The following SLC1A3 variants were observed in gnomAD, a reference collection of about 807,000 sequenced individuals.
SLC1A3 encodes solute carrier family 1 member 3.
In SLC1A3, 21 loss-of-function variants were observed where a neutral mutation model predicts 48.1. That is an observed-to-expected ratio of 0.44 (90% CI 0.31 to 0.63). SLC1A3 has a LOEUF of 0.63. SLC1A3 is among the 20% of genes least tolerant of loss of function. The pLI is 0.08. For missense variants in SLC1A3, 546 were observed against 689.0 expected, an observed-to-expected ratio of 0.79 and a Z score of 2.32; for synonymous variants, 239 against 251.4, an observed-to-expected ratio of 0.95 and a Z score of 0.47.
chr5:36,679,495 G>A lies in SLC1A3; in HGVS notation c.861-132G>A, dbSNP rs374163185. The A allele has an allele frequency of 2.5e-4, 189 of 745,370 alleles. 1 individual carries two copies. The African/African-American group carries it at 2.9e-3, about 11-fold the overall frequency. The allele number at this position is 745,370 out of a possible 1,614,324, so 46.2% of individuals were successfully genotyped here. On this transcript the variant is annotated intron_variant, in intron 6 of 9. Transcript: ENST00000265113. ...GAAAAGAAGTCCACAGTTTCTGTAA[G>A]TCCTAATGGTATCCTGGGCAGGAAA...
intron 3 of SLC1A3, among the ~76,000 whole-genome samples, chr5:36,652,678 A>G (rs1012792285): frequency 2.0e-5 from 3 of 152,164 alleles, no homozygotes; most frequent in South Asian, 4.1e-4. Context: ...AACCCAATAT[A>G]TCTATGTATT....
rs1742696582 is a variant in SLC1A3, at chr5:36,687,406, AGAG to A, written c.*1139_*1141del. 1 of 152,216 alleles carries A rather than the reference AGAG, an allele frequency of 6.6e-6. No homozygotes were observed. Among genetic ancestry groups the A allele is most frequent in the African/African-American group, 2.4e-5 (1 of 41,456 alleles). 9.4% of individuals were successfully genotyped at this position (152,216 alleles called of 1,614,324 possible). A position where few individuals can be genotyped will look rare whatever the true frequency, so the allele number is the denominator to read the frequency against. On this transcript the variant is annotated 3_prime_UTR_variant, in exon 10 of 10. Transcript: ENST00000265113. ...CTTCTTTAAGGAAGAATAAAAAAGA[AGAG>A]GTTCATTTTTCTGGCTTTTTTTTTC... is the stretch of plus-strand genomic sequence containing the variant.
chr5:36,651,220 T>C (rs1212098983), intron 3 of SLC1A3, among the ~76,000 whole-genome samples: 1 of 149,760 alleles, frequency 6.7e-6, no homozygotes, highest in Admixed American at 6.7e-5. Context: ...CTTGGGTTCC[T>C]TCCCCACACC....
Position 36,629,761 on chromosome 5 carries a change from A to G in SLC1A3, c.319+174A>G, listed in dbSNP as rs371134161. 4.1e-4 allele frequency among the ~76,000 whole-genome samples: 62 copies of G among 152,174 alleles called. 1 individual carries two copies. The highest frequency in any genetic ancestry group is 1.4e-3 in the African/African-American group (58 of 41,526). The stretch of plus-strand genomic sequence containing the variant: ...AGGCTTTAGTAATGCATGAATGATT[A>G]TAACTCTCGTATTTTACCAATCACA... On this transcript the variant is annotated intron_variant, in intron 3 of 9. Transcript: ENST00000265113.
chr5:36,625,692 ACTCT>A (rs1158711330), intron 2 of SLC1A3, among the ~76,000 whole-genome samples: 3 of 152,168 alleles, frequency 2.0e-5, no homozygotes, highest in African/African-American at 7.2e-5. Context: ...ATCTACTATC[ACTCT>A]AAACAACACC....
At chr5:36,653,871 C>T (rs535996526) in intron 3 of SLC1A3, among the ~76,000 whole-genome samples, 2 of 152,270 alleles carry the variant, frequency 1.3e-5, no homozygotes, top group South Asian at 4.1e-4. Context: ...TTTGAGAGAG[C>T]CTCGCTCTGT....
intron 5 of SLC1A3, 151 bp downstream of exon 5, chr5:36,674,242 T>TG: frequency 1.4e-6 from 1 of 708,052 alleles, no homozygotes. Flanking sequence ...CTAGGAATTT[T>TG]GGGGGGAAAG....
chr5:36,638,787 C>T (rs1189219494), intron 3 of SLC1A3: 1 of 152,194 alleles, frequency 6.6e-6, no homozygotes, highest in Non-Finnish European at 1.5e-5. Context: ...CCTGCCTCAA[C>T]CTCCTGAGTA....
At chr5:36,634,070 G>C (rs1021039896) in intron 3 of SLC1A3, among the ~76,000 whole-genome samples, 1 of 152,140 alleles carries the variant, frequency 6.6e-6, no homozygotes, top group Non-Finnish European at 1.5e-5. Context: ...GAGGTCACAT[G>C]TTCGAGACCA....
chr5:36,686,028 G>A (rs1481769817), intron 9 of SLC1A3, 37 bp from the exon 10 acceptor site: 18 of 1,566,066 alleles, frequency 1.1e-5, no homozygotes, highest in Admixed American at 3.3e-5. Context: ...ATGCTCACGG[G>A]AGCCTCGTTT....
intron 3 of SLC1A3, chr5:36,636,399 C>T (rs13166160): frequency 0.51 from 76,825 of 151,792 alleles, 20,361 homozygotes; most frequent in South Asian, 0.58. Flanking sequence ...TTCGGGCTTC[C>T]TTGCTGGGAA....
chr5:36,670,955 T>C, intron 3 of SLC1A3, 74 bp from the exon 4 acceptor site: 1 of 1,301,998 alleles, frequency 7.7e-7, no homozygotes, highest in Non-Finnish European at 1.1e-6. Flanking sequence ...ATAAAGGAAA[T>C]GCTGTTCCCA....
intron 3 of SLC1A3, among the ~76,000 whole-genome samples, chr5:36,660,009 T>C (rs1434343059): frequency 6.6e-6 from 1 of 152,252 alleles, no homozygotes; most frequent in Non-Finnish European, 1.5e-5. Flanking sequence ...CTCTTTACCT[T>C]ATGTATAGTT....
In SLC1A3 at chr5:36,611,811, A is replaced by T. The variant is rs146500562; in HGVS notation, c.181+3207A>T. On this transcript the variant is annotated intron_variant, in intron 2 of 9. Transcript: ENST00000265113. ...AAGTTGTGTTAGAGTGACCTCAGAC[A>T]TCTAGCTGAAAGAAAGGAAAAGTCT... Among the ~76,000 whole-genome samples the T allele has an allele frequency of 4.1e-3, 445 of 109,524 alleles. 3 individuals carry two copies. Among genetic ancestry groups the T allele is most frequent in the African/African-American group, 0.016 (425 of 26,020 alleles). The allele number at this position is 109,524 out of a possible 152,430, so 71.9% of individuals were successfully genotyped here.
chr5:36,628,102 C>T (rs763520395), intron 2 of SLC1A3, among the ~76,000 whole-genome samples: 11 of 152,140 alleles, frequency 7.2e-5, no homozygotes, highest in Non-Finnish European at 1.5e-4. Flanking sequence ...AACTTTTCTC[C>T]TTGACCATAT....
chr5:36,653,021 T>C (rs1315816443), intron 3 of SLC1A3, among the ~76,000 whole-genome samples: 1 of 152,232 alleles, frequency 6.6e-6, no homozygotes, highest in Non-Finnish European at 1.5e-5. Context: ...TTTTCTAAGA[T>C]GTTTCTTCTT....
At chr5:36,674,773 A>G (rs1181401557) in intron 5 of SLC1A3, among the ~76,000 whole-genome samples, 1 of 152,160 alleles carries the variant, frequency 6.6e-6, no homozygotes, top group Admixed American at 6.5e-5. Context: ...GTTGACTCCA[A>G]ATTCTATCTG....
chr5:36,601,631 G>A (rs1738808362), upstream of SLC1A3, among the ~76,000 whole-genome samples: 1 of 152,078 alleles, frequency 6.6e-6, no homozygotes, highest in South Asian at 2.1e-4. Context: ...GTGATGTGTA[G>A]AATCCACACA....
chr5:36,633,612 C>G (rs1283100645), intron 3 of SLC1A3, among the ~76,000 whole-genome samples: 1 of 152,158 alleles, frequency 6.6e-6, no homozygotes, highest in East Asian at 1.9e-4. Flanking sequence ...CCCTGCATCC[C>G]TTAATTCACA....
Sources: allele counts gnomAD v4.1 joint callset (sites outside exome capture counted in the v4.1 genomes callset), GRCh38; gene constraint gnomAD v4.1.1; transcripts MANE v1.5; gene names NCBI Gene and HGNC (gene_info 2026-07-23, HGNC 2026-07-21).